The following STAB2 variants were observed in gnomAD, a reference collection of about 807,000 sequenced individuals.
The protein encoded by STAB2 is stabilin 2.
STAB2 carries 288 observed loss-of-function variants against 338.1 expected under a neutral mutation model. The ratio of observed to expected loss-of-function variants is 0.85; its 90% CI spans 0.77 to 0.94. The LOEUF is 0.94. Ranked by LOEUF, STAB2 falls within the 40% of genes least tolerant of loss-of-function variation. STAB2 has a pLI of 0.00. For missense variants in STAB2, 3,141 were observed against 3,210.1 expected, an observed-to-expected ratio of 0.98 and a Z score of 0.52; for synonymous variants, 1,202 against 1,193.3, an observed-to-expected ratio of 1.01 and a Z score of -0.15.
At chr12:103,753,816 G>A (rs1296042409) in intron 61 of STAB2, among the ~76,000 whole-genome samples, 4 of 152,284 alleles carry the variant, frequency 2.6e-5, no homozygotes, top group East Asian at 1.9e-4. Context: ...CAATACCCAC[G>A]AGCCTAGGGT....
In STAB2 at chr12:103,748,605, TACACACACACACACAC is replaced by T. The variant is rs71097994; in HGVS notation, c.6245-319_6245-304del. ...TACACCACACACACACACACACACA[TACACACACACACACAC>T]ACACACACACACACACACACACACA... On this transcript the variant is annotated intron_variant, in intron 58 of 68. Coordinates refer to ENST00000388887, the MANE Select transcript of STAB2 (RefSeq NM_017564.10). Among the ~76,000 whole-genome samples, 870 of 141,728 alleles carry T rather than the reference TACACACACACACACAC, an allele frequency of 6.1e-3. 5 individuals are homozygous for T. Among genetic ancestry groups the T allele is most frequent in the African/African-American group, 0.013 (502 of 38,912 alleles). 93.0% of individuals were successfully genotyped at this position (141,728 alleles called of 152,430 possible). A position where few individuals can be genotyped will look rare whatever the true frequency, so the allele number is the denominator to read the frequency against.
chr12:103,631,292 GT>G (rs1339540081), intron 5 of STAB2, among the ~76,000 whole-genome samples: 4 of 152,098 alleles, frequency 2.6e-5, no homozygotes, highest in African/African-American at 9.7e-5. Context: ...TAATTCTCTT[GT>G]TGAGGTATCC....
At chr12:103,702,934 T>C (rs1349133113) in intron 34 of STAB2, among the ~76,000 whole-genome samples, 1 of 152,278 alleles carries the variant, frequency 6.6e-6, no homozygotes, top group Non-Finnish European at 1.5e-5. Context: ...AGGAAAGCAA[T>C]TGGCCTAAGG....
chr12:103,656,710 C>T (rs1343135437), intron 15 of STAB2, among the ~76,000 whole-genome samples: 2 of 139,526 alleles, frequency 1.4e-5, no homozygotes, highest in East Asian at 4.1e-4. Context: ...GACGGAGTCT[C>T]GCTCTGTCGC....
chr12:103,726,162 A>G lies in STAB2; in HGVS notation c.4850A>G (p.Gln1617Arg), dbSNP rs781209612. Residue 1617 changes from glutamine to arginine, a missense_variant and splice_region_variant, in exon 46 of 69, where the codon CAG becomes CGG. Transcript: ENST00000388887. ...ACTTCCCAGTATTTCTTCCAGTTGC[A>G]GGTAGGAAATATACATGTCTGTCTA... ...PKTSQYFFQL[Q>R]EHFVKDLVGP... 1 of 1,613,812 alleles carries G rather than the reference A, an allele frequency of 6.2e-7. No homozygotes were observed. The highest frequency in any genetic ancestry group is 8.5e-7 in the Non-Finnish European group (1 of 1,179,768).
Position 103,742,394 on chromosome 12 carries a change from ATC to A in STAB2, c.5882-7_5882-6del. On this transcript the variant is annotated splice_polypyrimidine_tract_variant and intron_variant, in intron 55 of 68. Coordinates refer to ENST00000388887, the MANE Select transcript of STAB2 (RefSeq NM_017564.10). Reference sequence around the variant, plus strand: ...GAGACTGTTGAGTCACTGCTGTTTCATCTCTTCCAGCCTGCCCTGGAGGACCA... The same window carrying A: ...GAGACTGTTGAGTCACTGCTGTTTCATCTTCCAGCCTGCCCTGGAGGACCA... 1 of 1,613,658 alleles carries A rather than the reference ATC, an allele frequency of 6.2e-7. No individual in the cohort carries two copies. The highest frequency in any genetic ancestry group is 8.5e-7 in the Non-Finnish European group (1 of 1,179,776).
intron 68 of STAB2, chr12:103,765,995 AC>A: frequency 1.8e-6 from 1 of 544,796 alleles, no homozygotes; most frequent in South Asian, 1.6e-5. Flanking sequence ...TAATCCTCCT[AC>A]CTCCCTGTGA....
intron 39 of STAB2, 70 bp from the exon 40 acceptor site, chr12:103,711,401 A>G (rs1879839773): frequency 6.2e-7 from 1 of 1,604,586 alleles, no homozygotes; most frequent in African/African-American, 1.3e-5. Flanking sequence ...TTTTCTGAGC[A>G]CAAAATACTA....
At chr12:103,710,486 C>G (rs1464429488) in intron 39 of STAB2, among the ~76,000 whole-genome samples, 1 of 152,214 alleles carries the variant, frequency 6.6e-6, no homozygotes, top group Non-Finnish European at 1.5e-5. Context: ...AATCATGACA[C>G]TCCCTCCCTC....
Position 103,677,434 on chromosome 12 carries a change from T to G in STAB2, c.2647-19T>G, listed in dbSNP as rs1280639377. The G allele has an allele frequency of 2.5e-6, 4 of 1,594,842 alleles. No homozygotes were observed. In the African/African-American group the frequency reaches 4.0e-5, roughly 16 times the overall value. Reference sequence around the variant, plus strand: ...GGACTGAGGATTCAGAGGCTTTGCTTTTTCTTTTCCTCCTGCAGGCAGAAT... The same window carrying G: ...GGACTGAGGATTCAGAGGCTTTGCTGTTTCTTTTCCTCCTGCAGGCAGAAT... On this transcript the variant is annotated intron_variant, in intron 24 of 68. Transcript: ENST00000388887.
chr12:103,735,609 G>A (rs556810898), intron 52 of STAB2, 29 bp downstream of exon 52: 5 of 970,184 alleles, frequency 5.2e-6, no homozygotes, highest in African/African-American at 3.3e-5. Flanking sequence ...GGTGGGCAGG[G>A]AGGGGTTAAC....
In STAB2 at chr12:103,594,435, G is replaced by A. The variant is rs143237900; in HGVS notation, c.256G>A (p.Gly86Arg). 1.8e-4 allele frequency: 295 copies of A among 1,613,700 alleles called. 1 individual carries two copies. The highest frequency in any genetic ancestry group is 4.0e-4 in the Admixed American group (24 of 59,958). ...CAGAACATACTCTCTGTCTCTCCCC[G>A]GATGCCGCCATATTTGTAGGAAGGA... ...EVRTYSLSLP[G>R]CRHICRKDYL... Residue 86 changes from glycine (G) to arginine (R), a missense_variant, in exon 3 of 69, where the codon GGA becomes AGA. Physicochemically the swap from Gly to Arg is moderately radical, Grantham distance 125. Transcript: ENST00000388887.
At chr12:103,621,645 C>T (rs531005824) in intron 4 of STAB2, among the ~76,000 whole-genome samples, 1 of 152,146 alleles carries the variant, frequency 6.6e-6, no homozygotes, top group African/African-American at 2.4e-5. Flanking sequence ...AGCAGGAGAA[C>T]CTGGGAGGCG....
In STAB2 at chr12:103,699,111, C is replaced by T. The variant is rs139480810; in HGVS notation, c.3598C>T (p.Arg1200Trp). The T allele has an allele frequency of 3.4e-4, 550 of 1,609,218 alleles. No homozygotes were observed. The highest frequency in any genetic ancestry group is 4.5e-4 in the Non-Finnish European group (524 of 1,176,544). Residue 1200 changes from arginine to tryptophan, a missense_variant, in exon 34 of 69, where the codon CGG becomes TGG. Coordinates refer to ENST00000388887, the MANE Select transcript of STAB2 (RefSeq NM_017564.10). Reference protein sequence around the residue: ...KVLSLEEDVLRYHVVLEEKLL... With the variant: ...KVLSLEEDVLWYHVVLEEKLL... ...TGTGATCCAGGAGGAGGACGTCCTCCGGTATCATGTGGTCCTGGAGGAGAA... is the reference window on the plus strand; with the variant it reads ...TGTGATCCAGGAGGAGGACGTCCTCTGGTATCATGTGGTCCTGGAGGAGAA...
intron 3 of STAB2, among the ~76,000 whole-genome samples, chr12:103,612,247 G>A (rs1304747441): frequency 6.6e-6 from 1 of 152,124 alleles, no homozygotes; most frequent in Non-Finnish European, 1.5e-5. Context: ...GCTAGATTAG[G>A]GAAGTTCTCC....
chr12:103,640,376 C>A, intron 9 of STAB2, 120 bp downstream of exon 9: 1 of 1,286,720 alleles, frequency 7.8e-7, no homozygotes, highest in Non-Finnish European at 1.1e-6. Flanking sequence ...CCACCCCCAC[C>A]CCACATAGTA....
intron 56 of STAB2, among the ~76,000 whole-genome samples, chr12:103,743,806 C>T (rs1882782118): frequency 6.6e-6 from 1 of 152,140 alleles, no homozygotes; most frequent in Non-Finnish European, 1.5e-5. Flanking sequence ...GTGTACAGAA[C>T]AGCAAGAAGA....
chr12:103,712,186 G>A (rs1879922686), intron 40 of STAB2, among the ~76,000 whole-genome samples, 181 bp from the exon 41 acceptor site: 1 of 152,184 alleles, frequency 6.6e-6, no homozygotes, highest in Non-Finnish European at 1.5e-5. Context: ...AATGAGTACA[G>A]TTTTAGCTGC....
chr12:103,631,822 T>A, intron 6 of STAB2, 129 bp downstream of exon 6: 1 of 764,294 alleles, frequency 1.3e-6, no homozygotes, highest in Admixed American at 2.5e-5. Context: ...GGAAAGAAAC[T>A]AGAAATTAAA....
Sources: allele counts gnomAD v4.1 joint callset (sites outside exome capture counted in the v4.1 genomes callset), GRCh38; gene constraint gnomAD v4.1.1; transcripts MANE v1.5; gene names NCBI Gene and HGNC (gene_info 2026-07-23, HGNC 2026-07-21).